The following TANC2 variants were observed in gnomAD, a reference collection of about 807,000 sequenced individuals.
TANC2 encodes protein TANC2.
In TANC2, 26 loss-of-function variants were observed where a neutral mutation model predicts 210.5. The ratio of observed to expected loss-of-function variants is 0.12; its 90% CI spans 0.09 to 0.17. The LOEUF (loss-of-function observed/expected upper bound fraction) is 0.17. TANC2 is among the 10% of genes least tolerant of loss of function. TANC2 has a pLI of 1.00. For synonymous variants in TANC2, 931 were observed against 967.1 expected, an observed-to-expected ratio of 0.96 and a Z score of 0.69; for missense variants, 2,129 against 2,608.9, an observed-to-expected ratio of 0.82 and a Z score of 4.01.
intron 24 of TANC2, chr17:63,413,150 GT>G: frequency 4.8e-6 from 1 of 207,750 alleles, no homozygotes; most frequent in Non-Finnish European, 9.5e-6. Flanking sequence ...ACATCTGGGG[GT>G]TTTGAGTCCC....
At chr17:63,267,904 C>G in intron 9 of TANC2, 31 bp downstream of exon 9, 1 of 1,574,758 alleles carries the variant, frequency 6.4e-7, no homozygotes, top group Non-Finnish European at 8.6e-7. Flanking sequence ...TTAAGGGTGC[C>G]CGGGAACAGA....
At chr17:63,380,280 C>T (rs2047563334) in intron 15 of TANC2, among the ~76,000 whole-genome samples, 1 of 152,154 alleles carries the variant, frequency 6.6e-6, no homozygotes, top group African/African-American at 2.4e-5. Context: ...CTACTTCCCC[C>T]AAATCTCTCT....
chr17:63,405,704 GATA>G (rs2048481991), intron 20 of TANC2, among the ~76,000 whole-genome samples: 1 of 152,214 alleles, frequency 6.6e-6, no homozygotes, highest in Non-Finnish European at 1.5e-5. Flanking sequence ...AAAGCACACT[GATA>G]ATAATCTTCA....
chr17:62,973,512 T>G (rs2031830098), intron 1 of TANC2, among the ~76,000 whole-genome samples: 1 of 152,180 alleles, frequency 6.6e-6, no homozygotes, highest in African/African-American at 2.4e-5. Flanking sequence ...AAACCTCATC[T>G]CTTATTGTGG....
At chr17:63,135,492 T>C (rs969831153) in intron 4 of TANC2, among the ~76,000 whole-genome samples, 3 of 152,162 alleles carry the variant, frequency 2.0e-5, no homozygotes, top group African/African-American at 7.2e-5. Context: ...TCAAAAGCCA[T>C]ACATTTGAAA....
chr17:63,213,909 G>A (rs2041956319), intron 7 of TANC2, among the ~76,000 whole-genome samples: 1 of 152,186 alleles, frequency 6.6e-6, no homozygotes, highest in South Asian at 2.1e-4. Context: ...TTAGAAAACA[G>A]AGCCTGAGAC....
chr17:63,176,484 G>A (rs185663854), intron 5 of TANC2, among the ~76,000 whole-genome samples: 11 of 152,264 alleles, frequency 7.2e-5, no homozygotes, highest in East Asian at 5.8e-4. Context: ...ATAAGCTTAT[G>A]TAAGATTATA....
chr17:63,121,180 A>T (rs1351849359), intron 4 of TANC2, among the ~76,000 whole-genome samples: 1 of 152,118 alleles, frequency 6.6e-6, no homozygotes, highest in Non-Finnish European at 1.5e-5. Flanking sequence ...TCTCATGGGA[A>T]TTAATCATAA....
chr17:63,218,276 A>G (rs574017979), intron 7 of TANC2, among the ~76,000 whole-genome samples: 59 of 150,300 alleles, frequency 3.9e-4, no homozygotes, highest in African/African-American at 1.4e-3. Flanking sequence ...GAGAGGAGGG[A>G]AAAAAAAAAT....
chr17:63,300,703 T>C (rs1216653387), intron 9 of TANC2, among the ~76,000 whole-genome samples: 1 of 152,178 alleles, frequency 6.6e-6, no homozygotes, highest in Non-Finnish European at 1.5e-5. Context: ...GTTTTCTAAA[T>C]ATAGAATCAC....
At chr17:63,200,993 T>G (rs2041513591) in intron 7 of TANC2, 36 bp downstream of exon 7, 1 of 1,549,834 alleles carries the variant, frequency 6.5e-7, no homozygotes, top group Admixed American at 2.0e-5. Flanking sequence ...TTTGTGTCCT[T>G]TTTTTCCTTT....
At chr17:63,295,706 A>C (rs1391309277) in intron 9 of TANC2, among the ~76,000 whole-genome samples, 2 of 152,212 alleles carry the variant, frequency 1.3e-5, no homozygotes, top group African/African-American at 4.8e-5. Flanking sequence ...TGTAATAATC[A>C]AATCCTTTAG....
At position 63,421,862 on chromosome 17, in the gene TANC2, G is replaced by C. The variant is rs1435881746; in HGVS notation, c.6132G>C (p.Gln2044His). The change falls in exon 28 of 28, where the codon CAG becomes CAC. Residue 2044 changes from glutamine (Q) to histidine (H), a missense_variant. Around this residue, in one of 5 missense-constraint regions of TANC2, gnomAD observed 161 missense variants for 178.6 expected, o/e 0.90. Coordinates refer to ENST00000689528, the Ensembl canonical transcript of TANC2. The surrounding 1 kb of genome is among the most constrained non-coding windows in gnomAD (Gnocchi z 6.9). ...CTCTACCTGTGGCTCAGGCATACCA[G>C]GACAACCTGTACAGGCAGCTGTCCC... 3 of 1,613,998 alleles carry C rather than the reference G, an allele frequency of 1.9e-6. No homozygotes were observed. The highest frequency in any genetic ancestry group is 1.7e-5 in the Admixed American group (1 of 60,020).
rs116462302 is a variant in TANC2, at chr17:63,343,910, A to G, written c.1807+3578A>G. Among the ~76,000 whole-genome samples the G allele has an allele frequency of 7.6e-3, 1,157 of 152,332 alleles. 15 individuals carry two copies. The highest frequency in any genetic ancestry group is 0.025 in the African/African-American group (1,055 of 41,564). On this transcript the variant is annotated intron_variant, in intron 12 of 27. Coordinates refer to ENST00000689528, the Ensembl canonical transcript of TANC2. ...GACCTGGTCTCAAAAAGAAAAAAGA[A>G]AGTTAATCAGTGTAATTCATCATAT... is the stretch of plus-strand genomic sequence containing the variant.
At chr17:63,291,073 C>T (rs2044369297) in intron 9 of TANC2, among the ~76,000 whole-genome samples, 1 of 152,130 alleles carries the variant, frequency 6.6e-6, no homozygotes, top group Non-Finnish European at 1.5e-5. Flanking sequence ...TTTCCCCCTT[C>T]CCCCAGCTTC....
chr17:63,177,753 G>C (rs2040639269), intron 5 of TANC2, among the ~76,000 whole-genome samples: 1 of 152,164 alleles, frequency 6.6e-6, no homozygotes, highest in African/African-American at 2.4e-5. Flanking sequence ...GTATCAGCCA[G>C]GAGCTTCTCC....
chr17:62,993,369 C>G (rs796360344), intron 1 of TANC2, among the ~76,000 whole-genome samples: 6 of 152,260 alleles, frequency 3.9e-5, no homozygotes, highest in African/African-American at 1.4e-4. Context: ...AGGAAAGTAG[C>G]TGGGAGTTTG....
At chr17:63,061,094 C>T (rs1218502304) in intron 2 of TANC2, among the ~76,000 whole-genome samples, 3 of 152,004 alleles carry the variant, frequency 2.0e-5, no homozygotes, top group African/African-American at 7.3e-5. Context: ...TGGCCAGGCA[C>T]GGTGGCTCAT....
chr17:62,970,474 C>T (rs556022113), intron 1 of TANC2, among the ~76,000 whole-genome samples: 4 of 152,158 alleles, frequency 2.6e-5, no homozygotes, highest in Non-Finnish European at 4.4e-5. Flanking sequence ...GACTGTCCCA[C>T]GCTAGCTCTG....
Sources: gnomAD v4.1 joint callset for allele counts (sites outside exome capture counted in the v4.1 genomes callset) on GRCh38, gnomAD v4.1.1 for gene constraint, gnomAD v4.1.1 regional missense constraint, Gnocchi (gnomAD v3.1) non-coding constraint, MANE v1.5 for transcripts, NCBI Gene and HGNC (gene_info 2026-07-23, HGNC 2026-07-21) for gene names.